Variants in ZFHX4 observed in about 807,000 individuals in gnomAD.
ZFHX4 encodes the protein zinc finger homeobox 4.
ZFHX4 carries 56 observed loss-of-function variants against 267.6 expected under a neutral mutation model. That is an observed-to-expected ratio of 0.21 (90% CI 0.17 to 0.26). The LOEUF (loss-of-function observed/expected upper bound fraction) is 0.26, where lower values mean the gene tolerates loss of function less well. Ranked by LOEUF, ZFHX4 falls within the 10% of genes least tolerant of loss-of-function variation. The pLI is 1.00. For missense variants in ZFHX4, 4,332 were observed against 4,420.0 expected (o/e 0.98, Z 0.56); for synonymous variants, 1,778 against 1,665.6 (o/e 1.07, Z -1.64).
At chr8:76,863,008 G>C in intron 10 of ZFHX4, 86 bp from the exon 11 acceptor site, 1 of 1,434,190 alleles carries the variant, frequency 7.0e-7, no homozygotes. Context: ...AATGTCCTTA[G>C]TGAGTTCTAT....
chr8:76,703,892 G>T (rs992126147), intron 1 of ZFHX4, among the ~76,000 whole-genome samples, 151 bp from the exon 2 acceptor site: 3 of 152,186 alleles, frequency 2.0e-5, no homozygotes, highest in African/African-American at 7.2e-5. Context: ...TACAAAGTCC[G>T]TCTGTGATAG....
chr8:76,725,372 G>A (rs1310094764), intron 3 of ZFHX4, among the ~76,000 whole-genome samples: 4 of 151,946 alleles, frequency 2.6e-5, no homozygotes, highest in East Asian at 1.9e-4. Context: ...ATAGTCTAGC[G>A]GTTCTGTACT....
intron 4 of ZFHX4, among the ~76,000 whole-genome samples, chr8:76,780,453 T>C (rs10504641): frequency 0.1 from 15,239 of 152,190 alleles, 1,061 homozygotes; most frequent in East Asian, 0.3. Context: ...AAAATTCTTG[T>C]AATAAGGATG....
chr8:76,784,138 A>T (rs1392845585), intron 4 of ZFHX4, among the ~76,000 whole-genome samples: 3 of 152,050 alleles, frequency 2.0e-5, no homozygotes, highest in African/African-American at 7.2e-5. Context: ...GCCAAGTCAC[A>T]GCTGTGTATG....
intron 4 of ZFHX4, among the ~76,000 whole-genome samples, chr8:76,811,654 A>G (rs1010566945): frequency 3.3e-5 from 5 of 152,216 alleles, no homozygotes; most frequent in African/African-American, 1.2e-4. Flanking sequence ...GCCCTGCTTG[A>G]AACACCAGAA....
chr8:76,830,963 A>C (rs535848045), intron 4 of ZFHX4, among the ~76,000 whole-genome samples: 1 of 152,336 alleles, frequency 6.6e-6, no homozygotes, highest in Admixed American at 6.5e-5. Context: ...AACTAGATAC[A>C]TTGAAAATTT....
intron 3 of ZFHX4, among the ~76,000 whole-genome samples, chr8:76,745,449 C>G (rs1386439306): frequency 2.0e-5 from 3 of 152,196 alleles, no homozygotes; most frequent in Middle Eastern, 3.4e-3. Flanking sequence ...GACCAAGGTA[C>G]TGAATAATGG....
Position 76,705,775 on chromosome 8 carries a change from A to C in ZFHX4, c.1687A>C (p.Ser563Arg). 6.2e-7 allele frequency: 1 copy of C among 1,614,004 alleles called. No individual in the cohort carries two copies. The highest frequency in any genetic ancestry group is 8.5e-7 in the Non-Finnish European group (1 of 1,179,882). ...GISGKDFADA[S>R]ASKDSATAAH... is the part of the protein sequence containing the mutation. ...CAGTGGCAAGGACTTTGCAGACGCAAGTGCCAGTAAAGACAGTGCCACAGC... is the reference window on the plus strand; with the variant it reads ...CAGTGGCAAGGACTTTGCAGACGCACGTGCCAGTAAAGACAGTGCCACAGC... The change falls in exon 2 of 11, where the codon AGT becomes CGT. Residue 563 changes from serine to arginine, a missense_variant. Ser to Arg is a moderately radical substitution (Grantham distance 110). Coordinates refer to ENST00000651372, the MANE Select transcript of ZFHX4 (RefSeq NM_024721.5).
Position 76,705,526 on chromosome 8 carries a change from A to C in ZFHX4, c.1438A>C (p.Asn480His), listed in dbSNP as rs999581557. 14 of 1,613,568 alleles carry C rather than the reference A, an allele frequency of 8.7e-6. No homozygotes were observed. Among genetic ancestry groups the C allele is most frequent in the Non-Finnish European group, 1.2e-5 (14 of 1,179,762 alleles). Reference sequence around the variant, plus strand: ...TGAGGATGAAGAAGATGCGTACTCCAATGAACTTGATGACGAGGAAGTATT... The same window carrying C: ...TGAGGATGAAGAAGATGCGTACTCCCATGAACTTGATGACGAGGAAGTATT... ...GDEDEEDAYS[N>H]ELDDEEVLGE... Residue 480 changes from asparagine (N) to histidine (H), a missense_variant, in exon 2 of 11, where the codon AAT (asparagine) becomes CAT (histidine). Asn to His is a moderately conservative substitution (Grantham distance 68, BLOSUM62 1). This residue lies in a region of ZFHX4 where 1,195 missense variants were observed against 1,173.6 expected (regional missense o/e 1.02). Transcript: ENST00000651372.
intron 4 of ZFHX4, among the ~76,000 whole-genome samples, chr8:76,826,144 G>A (rs184937531): frequency 3.6e-4 from 55 of 152,298 alleles, no homozygotes; most frequent in African/African-American, 1.3e-3. Flanking sequence ...GGGAAAGCAG[G>A]CACATCACAT....
chr8:76,849,205 T>C (rs1313609284), intron 7 of ZFHX4, 77 bp downstream of exon 7: 3 of 1,435,994 alleles, frequency 2.1e-6, no homozygotes, highest in African/African-American at 1.4e-5. Context: ...CCCCAAATGA[T>C]TCCATGCTGT....
intron 4 of ZFHX4, among the ~76,000 whole-genome samples, chr8:76,820,622 A>C (rs1447305830): frequency 6.6e-6 from 1 of 152,170 alleles, no homozygotes; most frequent in African/African-American, 2.4e-5. Context: ...TGCCATATGC[A>C]TTATATATTG....
Position 76,852,905 on chromosome 8 carries a change from T to A in ZFHX4, c.5984T>A (p.Ile1995Asn), listed in dbSNP as rs746647852. ...YREAYDKLYPISPSSPETPPP... is the reference protein window; with the variant it reads ...YREAYDKLYPNSPSSPETPPP... ...GAGGCCTATGACAAGCTTTATCCAATTTCTCCATCTTCTCCAGAAACGCCG... is the reference window on the plus strand; with the variant it reads ...GAGGCCTATGACAAGCTTTATCCAAATTCTCCATCTTCTCCAGAAACGCCG... The change falls in exon 10 of 11, where the codon ATT (isoleucine) becomes AAT (asparagine). Residue 1995 changes from isoleucine to asparagine, a missense_variant. Ile to Asn is a moderately radical substitution (Grantham distance 149). Around this residue, in one of 7 missense-constraint regions of ZFHX4, gnomAD observed 1,371 missense variants for 1,423.1 expected, o/e 0.96. Coordinates refer to ENST00000651372, the MANE Select transcript of ZFHX4 (RefSeq NM_024721.5). 1 of 1,611,312 alleles carries A rather than the reference T, an allele frequency of 6.2e-7. No homozygotes were observed. Among genetic ancestry groups the A allele is most frequent in the South Asian group, 1.1e-5 (1 of 90,716 alleles).
intron 4 of ZFHX4, among the ~76,000 whole-genome samples, chr8:76,819,232 T>C (rs1303217772): frequency 6.6e-6 from 1 of 151,850 alleles, no homozygotes; most frequent in African/African-American, 2.4e-5. Flanking sequence ...TAAAACAGTG[T>C]TGGGGCTCTG....
intron 3 of ZFHX4, among the ~76,000 whole-genome samples, chr8:76,760,110 T>C (rs1261890091): frequency 6.6e-6 from 1 of 152,202 alleles, no homozygotes; most frequent in East Asian, 1.9e-4. Flanking sequence ...ACACATGAAG[T>C]TCATTAGATA....
chr8:76,749,530 G>C (rs1332390007), intron 3 of ZFHX4, among the ~76,000 whole-genome samples: 1 of 152,146 alleles, frequency 6.6e-6, no homozygotes, highest in African/African-American at 2.4e-5. Flanking sequence ...TTGACTAGCT[G>C]CCTATTCATT....
At chr8:76,829,408 A>G (rs916234975) in intron 4 of ZFHX4, among the ~76,000 whole-genome samples, 6 of 152,086 alleles carry the variant, frequency 3.9e-5, no homozygotes, top group African/African-American at 1.4e-4. Context: ...AGGAAAAGGT[A>G]GAAAGGAGTA....
At chr8:76,737,962 TC>T (rs1809209274) in intron 3 of ZFHX4, among the ~76,000 whole-genome samples, 1 of 152,262 alleles carries the variant, frequency 6.6e-6, no homozygotes, top group South Asian at 2.1e-4. Context: ...AGGACAGAGA[TC>T]CCTCTGGAAG....
chr8:76,792,941 A>G (rs1410232957), intron 4 of ZFHX4, among the ~76,000 whole-genome samples: 1 of 152,184 alleles, frequency 6.6e-6, no homozygotes, highest in African/African-American at 2.4e-5. Flanking sequence ...TAGGTGTCAG[A>G]AAGAAGTCCC....
Sources: allele counts gnomAD v4.1 joint callset (sites outside exome capture counted in the v4.1 genomes callset), GRCh38; gene constraint gnomAD v4.1.1; regional missense constraint gnomAD v4.1.1; transcripts MANE v1.5; gene names NCBI Gene and HGNC (gene_info 2026-07-23, HGNC 2026-07-21).